The following MEIKIN variants were observed in gnomAD, a reference collection of about 807,000 sequenced individuals.
MEIKIN encodes meiosis-specific kinetochore protein.
At chr5:131,934,926 T>C (rs1438852800) in intron 4 of MEIKIN, among the ~76,000 whole-genome samples, 1 of 151,720 alleles carries the variant, frequency 6.6e-6, no homozygotes, top group African/African-American at 2.4e-5. Context: ...CGTGGCAACA[T>C]GCACCTGTAG....
chr5:131,815,548 C>A (rs1457051059), intron 12 of MEIKIN, among the ~76,000 whole-genome samples: 2 of 152,190 alleles, frequency 1.3e-5, no homozygotes, highest in African/African-American at 4.8e-5. Context: ...GAGACTAATT[C>A]TATTAAACTG....
intron 11 of MEIKIN, among the ~76,000 whole-genome samples, chr5:131,835,583 G>A (rs890008832): frequency 1.3e-5 from 2 of 152,004 alleles, no homozygotes; most frequent in Non-Finnish European, 2.9e-5. Context: ...TTTCATTGGT[G>A]TATATATCTG....
chr5:131,856,336 T>C (rs1019282720), intron 9 of MEIKIN, among the ~76,000 whole-genome samples: 6 of 152,184 alleles, frequency 3.9e-5, no homozygotes, highest in Non-Finnish European at 7.3e-5. Flanking sequence ...GAAGGTCCTC[T>C]GCTCACATTT....
chr5:131,893,857 A>T (rs1308527143), intron 8 of MEIKIN, among the ~76,000 whole-genome samples: 1 of 151,644 alleles, frequency 6.6e-6, no homozygotes, highest in African/African-American at 2.4e-5. Flanking sequence ...AGTTTCCTTC[A>T]CTCTGATTGT....
intron 9 of MEIKIN, among the ~76,000 whole-genome samples, chr5:131,872,674 G>A (rs1580883062): frequency 6.6e-6 from 1 of 152,112 alleles, no homozygotes; most frequent in African/African-American, 2.4e-5. Context: ...CTCGAGAAGA[G>A]CAACTCCAAG....
chr5:131,811,346 T>C (rs1031696989), intron 12 of MEIKIN, among the ~76,000 whole-genome samples: 1 of 139,410 alleles, frequency 7.2e-6, no homozygotes, highest in African/African-American at 2.8e-5. Context: ...TTTTCTTTTC[T>C]TTTTTTTTTT....
At chr5:131,875,808 T>C (rs919671950) in intron 9 of MEIKIN, among the ~76,000 whole-genome samples, 7 of 152,106 alleles carry the variant, frequency 4.6e-5, no homozygotes, top group African/African-American at 1.7e-4. Context: ...TATAGACCTA[T>C]GGAACAGAAC....
intron 9 of MEIKIN, among the ~76,000 whole-genome samples, chr5:131,860,576 C>T (rs1011368754): frequency 6.6e-6 from 1 of 150,850 alleles, no homozygotes; most frequent in Non-Finnish European, 1.5e-5. Flanking sequence ...TCCCAAGCAG[C>T]TGGGATTATA....
chr5:131,903,262 C>G (rs1373301763), intron 8 of MEIKIN, among the ~76,000 whole-genome samples: 1 of 152,136 alleles, frequency 6.6e-6, no homozygotes, highest in Non-Finnish European at 1.5e-5. Flanking sequence ...CCCAAGCTCA[C>G]TAGAGAGGCC....
At chr5:131,902,458 C>T (rs933859584) in intron 8 of MEIKIN, among the ~76,000 whole-genome samples, 1 of 149,244 alleles carries the variant, frequency 6.7e-6, no homozygotes, top group African/African-American at 2.5e-5. Context: ...GAAGAAGTTT[C>T]CTGTGGCCTC....
At chr5:131,813,673 C>T (rs988987530) in intron 12 of MEIKIN, among the ~76,000 whole-genome samples, 18 of 152,028 alleles carry the variant, frequency 1.2e-4, no homozygotes, top group South Asian at 2.1e-4. Flanking sequence ...ATGATCCGCC[C>T]GCCTCAGCCT....
intron 7 of MEIKIN, among the ~76,000 whole-genome samples, chr5:131,913,184 C>T (rs1580904096): frequency 6.6e-6 from 1 of 152,284 alleles, no homozygotes; most frequent in East Asian, 1.9e-4. Context: ...ATCTCCTCAG[C>T]TTTTGCCTTT....
chr5:131,853,478 A>T (rs993785185), intron 10 of MEIKIN, among the ~76,000 whole-genome samples: 1 of 152,172 alleles, frequency 6.6e-6, no homozygotes, highest in Non-Finnish European at 1.5e-5. Context: ...ATGACATCAA[A>T]AGAACAGGTG....
chr5:131,938,959 AAATTC>A (rs1471062095), intron 4 of MEIKIN, among the ~76,000 whole-genome samples: 1 of 152,250 alleles, frequency 6.6e-6, no homozygotes, highest in Admixed American at 6.5e-5. Flanking sequence ...CAGAACGCAC[AAATTC>A]CAGTCTTCTC....
intron 9 of MEIKIN, among the ~76,000 whole-genome samples, chr5:131,877,609 A>C (rs1750638561): frequency 6.6e-6 from 1 of 152,150 alleles, no homozygotes; most frequent in South Asian, 2.1e-4. Context: ...GAGCCACTGC[A>C]CTCCAGCCTG....
At chr5:131,922,098 C>T (rs530702647) in intron 5 of MEIKIN, among the ~76,000 whole-genome samples, 157 bp from the exon 6 acceptor site, 1 of 152,162 alleles carries the variant, frequency 6.6e-6, no homozygotes, top group South Asian at 2.1e-4. Flanking sequence ...CTTGATGGAT[C>T]AATATAGTAA....
intron 5 of MEIKIN, among the ~76,000 whole-genome samples, chr5:131,925,124 T>C (rs926100909): frequency 1.3e-5 from 2 of 152,218 alleles, no homozygotes; most frequent in African/African-American, 2.4e-5. Context: ...AAAGATAAGT[T>C]GGCCATATAT....
chr5:131,942,553 G>A (rs2149656283), intron 4 of MEIKIN, 82 bp downstream of exon 4: 1 of 395,834 alleles, frequency 2.5e-6, no homozygotes, highest in South Asian at 1.3e-4. Flanking sequence ...ACTGAGATAG[G>A]AAGATGGGGA....
intron 8 of MEIKIN, among the ~76,000 whole-genome samples, chr5:131,885,330 C>G (rs1218661468): frequency 7.5e-6 from 1 of 134,088 alleles, no homozygotes; most frequent in Non-Finnish European, 1.6e-5. Context: ...CTGCAGGCCA[C>G]TCAGAACTGA....
Sources: allele counts gnomAD v4.1 joint callset (sites outside exome capture counted in the v4.1 genomes callset), GRCh38; gene constraint gnomAD v4.1.1; transcripts MANE v1.5; gene names NCBI Gene and HGNC (gene_info 2026-07-23, HGNC 2026-07-21).